NRG1: variants seen among roughly 807,000 people sequenced by gnomAD.
The protein encoded by NRG1 is neuregulin 1.
A neutral mutation model predicts 63.8 loss-of-function variants in NRG1; 18 were observed. That is an observed-to-expected ratio of 0.28 (90% confidence interval 0.19 to 0.42). The LOEUF (loss-of-function observed/expected upper bound fraction) is 0.42. Ranked by LOEUF, NRG1 falls within the 10% of genes least tolerant of loss-of-function variation. The probability of loss-of-function intolerance (pLI) is 1.00; values close to 1 mark genes in which losing one functional copy is unlikely to be tolerated. For missense variants in NRG1, 762 were observed against 814.7 expected, an observed-to-expected ratio of 0.94 and a Z score of 0.79; for synonymous variants, 302 against 301.3, an observed-to-expected ratio of 1.00 and a Z score of -0.02.
At chr8:32,086,662 A>G (rs780743072) in intron 1 of NRG1, among the ~76,000 whole-genome samples, 22 of 152,240 alleles carry the variant, frequency 1.4e-4, no homozygotes, top group Non-Finnish European at 3.1e-4. Flanking sequence ...CAGCACAAGT[A>G]GATTGAAGAA....
At chr8:32,198,990 T>C (rs985824182) in intron 1 of NRG1, among the ~76,000 whole-genome samples, 3 of 152,090 alleles carry the variant, frequency 2.0e-5, no homozygotes, top group Admixed American at 6.6e-5. Flanking sequence ...AGTATTTACA[T>C]TGTATGATTC....
intron 7 of NRG1, among the ~76,000 whole-genome samples, chr8:32,746,396 C>T (rs557067578): frequency 6.6e-6 from 1 of 152,126 alleles, no homozygotes; most frequent in South Asian, 2.1e-4. Flanking sequence ...CATAAACAGG[C>T]CCAAGATGTT....
At position 31,819,612 on chromosome 8, in the gene NRG1, A is replaced by T. The variant is rs1172072617; in HGVS notation, c.37+180181A>T. On this transcript the variant is annotated intron_variant, in intron 1 of 10. Transcript: ENST00000519301. ...TCTTGAATTTGGAAGAATTAAAGGG[A>T]ATAACATTAATGACAGTGAACTATG... Among the ~76,000 whole-genome samples, 3 of 152,206 alleles carry T rather than the reference A, an allele frequency of 2.0e-5. No individual in the cohort carries two copies. In the South Asian group the frequency reaches 6.2e-4, roughly 32 times the overall value.
intron 1 of NRG1, among the ~76,000 whole-genome samples, chr8:31,913,027 A>G (rs943788251): frequency 3.3e-5 from 5 of 152,278 alleles, no homozygotes; most frequent in Admixed American, 2.0e-4. Context: ...CTATTCAGGC[A>G]TTTCATCATT....
intron 1 of NRG1, among the ~76,000 whole-genome samples, chr8:31,810,795 G>A (rs1336363236): frequency 6.6e-6 from 1 of 152,196 alleles, no homozygotes; most frequent in African/African-American, 2.4e-5. Context: ...CAGGGTATGG[G>A]ACTGATGACT....
At chr8:32,359,958 T>C (rs1283649287) in intron 1 of NRG1, among the ~76,000 whole-genome samples, 2 of 152,120 alleles carry the variant, frequency 1.3e-5, no homozygotes, top group African/African-American at 2.4e-5. Context: ...AGTTTTGAAA[T>C]GTATGGAGCC....
chr8:32,735,787 A>T (rs1168540036), intron 6 of NRG1, among the ~76,000 whole-genome samples: 1 of 152,230 alleles, frequency 6.6e-6, no homozygotes, highest in Non-Finnish European at 1.5e-5. Context: ...ACAGAGATTT[A>T]GGAAGGGCAC....
intron 1 of NRG1, among the ~76,000 whole-genome samples, chr8:32,064,649 A>G (rs1401021505): frequency 2.4e-4 from 37 of 152,162 alleles, no homozygotes; most frequent in Admixed American, 2.4e-3. Context: ...AAGGAAAAGT[A>G]TTTGCTAAGA....
intron 1 of NRG1, among the ~76,000 whole-genome samples, chr8:31,900,717 C>T (rs1229527220): frequency 6.6e-6 from 1 of 152,144 alleles, no homozygotes; most frequent in Non-Finnish European, 1.5e-5. Context: ...TATATAAACT[C>T]CCACTCCACC....
intron 1 of NRG1, among the ~76,000 whole-genome samples, chr8:32,272,674 A>C: frequency 6.6e-6 from 1 of 152,184 alleles, no homozygotes; most frequent in East Asian, 1.9e-4. Context: ...GTAAGGGGTG[A>C]TGAGAGTTCT....
intron 1 of NRG1, among the ~76,000 whole-genome samples, chr8:32,171,859 T>C (rs1452383318): frequency 1.3e-5 from 2 of 152,086 alleles, no homozygotes; most frequent in Admixed American, 6.5e-5. Flanking sequence ...AAGCTCGAAC[T>C]GGGTGGAGCC....
intron 1 of NRG1, among the ~76,000 whole-genome samples, chr8:31,852,545 C>T (rs2129609270): frequency 6.6e-6 from 1 of 151,760 alleles, no homozygotes; most frequent in East Asian, 1.9e-4. Context: ...AAAATTTTCT[C>T]CCATTTTGTA....
chr8:31,738,718 T>G lies in NRG1; in HGVS notation c.37+99287T>G, dbSNP rs182532213. 3.9e-3 allele frequency among the ~76,000 whole-genome samples: 589 copies of G among 152,156 alleles called. 1 individual carries two copies. Among genetic ancestry groups the G allele is most frequent in the South Asian group, 0.019 (92 of 4,818 alleles). The stretch of plus-strand genomic sequence containing the variant: ...GCAGATCCTTCCTTGCCTCTCCCTG[T>G]TTTCTGGCCATGTCTGTCAATCCTT... On this transcript the variant is annotated intron_variant, in intron 1 of 10. Transcript: ENST00000519301.
chr8:31,955,728 T>C (rs952694270), intron 1 of NRG1, among the ~76,000 whole-genome samples: 7 of 151,802 alleles, frequency 4.6e-5, no homozygotes, highest in African/African-American at 1.7e-4. Flanking sequence ...CTGAGGGTGA[T>C]TTTTTTTAAA....
At chr8:32,343,439 T>G (rs1440528280) in intron 1 of NRG1, among the ~76,000 whole-genome samples, 5 of 152,350 alleles carry the variant, frequency 3.3e-5, no homozygotes, top group Middle Eastern at 6.8e-3. Flanking sequence ...AACAAATGTT[T>G]TATAATAGAA....
chr8:32,037,337 G>C (rs997040832), intron 1 of NRG1, among the ~76,000 whole-genome samples: 2 of 152,180 alleles, frequency 1.3e-5, no homozygotes, highest in East Asian at 3.9e-4. Flanking sequence ...CCAACCTGAT[G>C]CTGGCCAGAG....
At chr8:31,769,405 T>C (rs1267879055) in intron 1 of NRG1, among the ~76,000 whole-genome samples, 2 of 152,184 alleles carry the variant, frequency 1.3e-5, no homozygotes, top group African/African-American at 2.4e-5. Flanking sequence ...CAAGAGGGCA[T>C]GGCTTCTAGG....
chr8:32,057,424 G>A (rs1823125304), intron 1 of NRG1, among the ~76,000 whole-genome samples: 1 of 152,128 alleles, frequency 6.6e-6, no homozygotes, highest in African/African-American at 2.4e-5. Context: ...ACATGGCCTG[G>A]AACGATAAAC....
At chr8:32,548,879 T>C in intron 1 of NRG1, 53 bp downstream of exon 1, 1 of 1,289,210 alleles carries the variant, frequency 7.8e-7, no homozygotes. Flanking sequence ...CTCCTCCTAC[T>C]CCTCCTCCTC....
Sources: allele counts gnomAD v4.1 joint callset (sites outside exome capture counted in the v4.1 genomes callset), GRCh38; gene constraint gnomAD v4.1.1; transcripts MANE v1.5; gene names NCBI Gene and HGNC (gene_info 2026-07-23, HGNC 2026-07-21).